DAB1: variants seen among roughly 807,000 people sequenced by gnomAD.
DAB1 encodes DAB adaptor protein 1.
Under a neutral mutation model 64.6 loss-of-function variants are expected in DAB1, and 15 were observed. That is an observed-to-expected ratio of 0.23 (90% CI 0.16 to 0.36). The LOEUF is 0.36. Among genes scored for constraint, DAB1 ranks in the 10% least tolerant of loss-of-function variants. The pLI is 1.00. For synonymous variants in DAB1, 235 were observed against 251.9 expected, an observed-to-expected ratio of 0.93 and a Z score of 0.64; for missense variants, 596 against 706.7, an observed-to-expected ratio of 0.84 and a Z score of 1.78.
At chr1:57,373,937 C>T (rs1680698294) in intron 1 of DAB1, among the ~76,000 whole-genome samples, 1 of 152,158 alleles carries the variant, frequency 6.6e-6, no homozygotes, top group African/African-American at 2.4e-5. Context: ...TTATTTCAGA[C>T]TCCTCCAGGA....
intron 1 of DAB1, among the ~76,000 whole-genome samples, chr1:57,841,836 C>T (rs1653065192): frequency 6.6e-6 from 1 of 152,040 alleles, no homozygotes; most frequent in South Asian, 2.1e-4. Flanking sequence ...CTCTGAAATG[C>T]CTTGGTGGCA....
intron 6 of DAB1, among the ~76,000 whole-genome samples, chr1:57,724,593 G>A (rs1200851608): frequency 6.6e-6 from 1 of 152,198 alleles, no homozygotes; most frequent in Admixed American, 6.5e-5. Flanking sequence ...GAAGCTTAAT[G>A]GGAAATAGTC....
intron 2 of DAB1, among the ~76,000 whole-genome samples, chr1:57,285,830 C>T (rs1383224847): frequency 1.3e-5 from 2 of 152,176 alleles, no homozygotes; most frequent in African/African-American, 4.8e-5. Flanking sequence ...TCTATCTGTT[C>T]ATCATGGGAC....
At chr1:57,331,549 T>A (rs975897473) in intron 1 of DAB1, among the ~76,000 whole-genome samples, 2 of 152,108 alleles carry the variant, frequency 1.3e-5, no homozygotes, top group Non-Finnish European at 2.9e-5. Context: ...ACTCAACATC[T>A]CTCCTGACAC....
chr1:58,484,274 T>C (rs1313611938), intron 3 of DAB1, among the ~76,000 whole-genome samples: 1 of 152,178 alleles, frequency 6.6e-6, no homozygotes, highest in Non-Finnish European at 1.5e-5. Context: ...CTATAAAAAC[T>C]TTTCTTTAAA....
chr1:57,225,421 C>T (rs184866004), intron 2 of DAB1, among the ~76,000 whole-genome samples: 3 of 152,222 alleles, frequency 2.0e-5, no homozygotes, highest in East Asian at 1.9e-4. Context: ...TGTCAGAGAA[C>T]GGTGCTGAAG....
At chr1:57,259,141 C>T (rs1452905652) in intron 2 of DAB1, among the ~76,000 whole-genome samples, 1 of 152,174 alleles carries the variant, frequency 6.6e-6, no homozygotes, top group Non-Finnish European at 1.5e-5. Flanking sequence ...CTCCCTGTAC[C>T]AACATTCTAT....
chr1:57,702,383 CA>C (rs1244588152), intron 6 of DAB1, among the ~76,000 whole-genome samples: 1 of 152,108 alleles, frequency 6.6e-6, no homozygotes, highest in Non-Finnish European at 1.5e-5. Context: ...TTTGCTCATG[CA>C]AAAAGAAGTA....
At chr1:58,115,925 A>C (rs1403521641) in intron 5 of DAB1, among the ~76,000 whole-genome samples, 2 of 142,068 alleles carry the variant, frequency 1.4e-5, no homozygotes, top group Admixed American at 7.2e-5. Flanking sequence ...CCAGCATGGC[A>C]CATGTATACA....
rs139024882 is a variant in DAB1, at chr1:57,857,355, G to C, written n.87+26644C>G. On this transcript the variant is annotated intron_variant and non_coding_transcript_variant, in intron 1 of 1. Coordinates refer to the DAB1 transcript ENST00000477280. ...GAATGACTAAATGACACTGGCATCT[G>C]GAGAAGATTCTGAAAACAATATACA... Among the ~76,000 whole-genome samples the C allele has an allele frequency of 1.7e-3, 264 of 152,308 alleles. 1 individual carries two copies. The highest frequency in any genetic ancestry group is 5.4e-3 in the African/African-American group (224 of 41,564).
intron 2 of DAB1, among the ~76,000 whole-genome samples, chr1:57,191,161 G>C (rs1339846311): frequency 6.6e-6 from 1 of 152,160 alleles, no homozygotes; most frequent in Non-Finnish European, 1.5e-5. Context: ...GCTAATGAGA[G>C]AGGAACTTGC....
intron 7 of DAB1, among the ~76,000 whole-genome samples, chr1:57,435,609 C>T (rs1426971332): frequency 6.6e-6 from 1 of 152,128 alleles, no homozygotes; most frequent in Non-Finnish European, 1.5e-5. Flanking sequence ...TAGGCCTACA[C>T]AGGGCCCAGG....
At chr1:57,007,422 A>G (rs1316766862) in intron 14 of DAB1, among the ~76,000 whole-genome samples, 1 of 152,224 alleles carries the variant, frequency 6.6e-6, no homozygotes, top group African/African-American at 2.4e-5. Context: ...TGCCATTCCC[A>G]TACCAGTCAT....
At chr1:57,895,811 G>A (rs1644383835) in intron 5 of DAB1, among the ~76,000 whole-genome samples, 1 of 152,114 alleles carries the variant, frequency 6.6e-6, no homozygotes, top group Non-Finnish European at 1.5e-5. Flanking sequence ...AATGGTGTAT[G>A]CAAACACAAA....
chr1:57,978,475 C>T (rs1475938502), intron 5 of DAB1, among the ~76,000 whole-genome samples: 1 of 152,088 alleles, frequency 6.6e-6, no homozygotes, highest in African/African-American at 2.4e-5. Flanking sequence ...AGAAGAAAAC[C>T]TGGGCAATAC....
chr1:57,762,819 A>T (rs1166550290), intron 6 of DAB1, among the ~76,000 whole-genome samples: 1 of 152,136 alleles, frequency 6.6e-6, no homozygotes, highest in African/African-American at 2.4e-5. Flanking sequence ...GATGTCCTTT[A>T]TCCTTGACCC....
intron 2 of DAB1, among the ~76,000 whole-genome samples, chr1:57,238,004 A>G (rs1668218280): frequency 6.6e-6 from 1 of 152,134 alleles, no homozygotes; most frequent in African/African-American, 2.4e-5. Flanking sequence ...GACACAAGAC[A>G]AGTCCAGGCC....
At chr1:57,857,359 A>T (rs1653800429) in intron 1 of DAB1, among the ~76,000 whole-genome samples, 1 of 152,194 alleles carries the variant, frequency 6.6e-6, no homozygotes. Flanking sequence ...GCATCTGGAG[A>T]AGATTCTGAA....
intron 7 of DAB1, among the ~76,000 whole-genome samples, chr1:57,458,479 GA>G (rs200562655): frequency 0.039 from 5,450 of 140,112 alleles, 316 homozygotes; most frequent in African/African-American, 0.13. Flanking sequence ...TCCTATTTGA[GA>G]AAAAAAAAAA....
Sources: allele counts gnomAD v4.1 joint callset (sites outside exome capture counted in the v4.1 genomes callset), GRCh38; gene constraint gnomAD v4.1.1; transcripts MANE v1.5; gene names NCBI Gene and HGNC (gene_info 2026-07-23, HGNC 2026-07-21).